The following PPP1R14C variants were observed in gnomAD, a reference collection of about 807,000 sequenced individuals.
PPP1R14C encodes protein phosphatase 1 regulatory inhibitor subunit 14C, also known as protein phosphatase 1 regulatory subunit 14C.
In PPP1R14C, 16 loss-of-function variants were observed where a neutral mutation model predicts 20.4. The observed-to-expected ratio is 0.78, with a 90% CI of 0.53 to 1.19. The LOEUF (loss-of-function observed/expected upper bound fraction) is 1.19, where lower values mean the gene tolerates loss of function less well. Among genes scored for constraint, PPP1R14C ranks in the 50% most tolerant of loss-of-function variants. The probability of loss-of-function intolerance (pLI) is 0.00; values close to 1 mark genes in which losing one functional copy is unlikely to be tolerated. For synonymous variants in PPP1R14C, 91 were observed against 91.0 expected (o/e 1.00, Z 0.00); for missense variants, 211 against 220.1 (o/e 0.96, Z 0.26).
intron 3 of PPP1R14C, among the ~76,000 whole-genome samples, chr6:150,222,373 A>G (rs897048430): frequency 7.2e-5 from 11 of 152,314 alleles, no homozygotes; most frequent in Admixed American, 6.5e-4. Flanking sequence ...CACCTCACAC[A>G]TGTACACAGC....
intron 1 of PPP1R14C, among the ~76,000 whole-genome samples, chr6:150,147,956 A>G (rs1777198238): frequency 6.6e-6 from 1 of 152,224 alleles, no homozygotes; most frequent in South Asian, 2.1e-4. Context: ...GATACAGAGA[A>G]ACAGAGAGTC....
intron 1 of PPP1R14C, among the ~76,000 whole-genome samples, chr6:150,184,714 T>G (rs1464206641): frequency 6.6e-6 from 1 of 152,222 alleles, no homozygotes; most frequent in Non-Finnish European, 1.5e-5. Flanking sequence ...TTTCTCCCCT[T>G]GATTGAAAGC....
chr6:150,151,933 A>G (rs1777252610), intron 1 of PPP1R14C, among the ~76,000 whole-genome samples: 1 of 151,974 alleles, frequency 6.6e-6, no homozygotes, highest in Non-Finnish European at 1.5e-5. Flanking sequence ...ATCCCGGCTA[A>G]AAAGGTGAAA....
chr6:150,180,204 A>AAAAC (rs1336878464), intron 1 of PPP1R14C, among the ~76,000 whole-genome samples: 2 of 152,252 alleles, frequency 1.3e-5, no homozygotes, highest in South Asian at 4.1e-4. Context: ...TCCATTTCAA[A>AAAAC]AAACAAACAA....
chr6:150,156,170 C>T (rs1250040465), intron 1 of PPP1R14C, among the ~76,000 whole-genome samples: 2 of 151,856 alleles, frequency 1.3e-5, no homozygotes, highest in East Asian at 1.9e-4. Context: ...GGAGTCCTTG[C>T]ACTCTTGGTC....
chr6:150,240,622 G>A (rs778686711), intron 3 of PPP1R14C, among the ~76,000 whole-genome samples: 30 of 152,222 alleles, frequency 2.0e-4, no homozygotes, highest in Non-Finnish European at 3.7e-4. Context: ...CCTGTGACCA[G>A]TCTGATTGTT....
intron 1 of PPP1R14C, among the ~76,000 whole-genome samples, chr6:150,171,500 A>G (rs1038638398): frequency 1.3e-5 from 2 of 152,180 alleles, no homozygotes; most frequent in African/African-American, 4.8e-5. Context: ...CATCTATAGC[A>G]TGGTAAAAGG....
intron 1 of PPP1R14C, among the ~76,000 whole-genome samples, chr6:150,162,234 T>C (rs1464496756): frequency 1.3e-5 from 2 of 152,148 alleles, no homozygotes; most frequent in Non-Finnish European, 1.5e-5. Context: ...TTTGTATTTT[T>C]AGTAGAGACG....
chr6:150,225,420 C>T (rs1778219940), intron 3 of PPP1R14C, among the ~76,000 whole-genome samples: 4 of 152,198 alleles, frequency 2.6e-5, no homozygotes, highest in Admixed American at 2.6e-4. Context: ...TTTTTCTACT[C>T]ATCCTTTGGT....
chr6:150,176,734 T>C (rs1777566726), intron 1 of PPP1R14C, among the ~76,000 whole-genome samples: 1 of 152,218 alleles, frequency 6.6e-6, no homozygotes, highest in South Asian at 2.1e-4. Context: ...GCTGTTATAA[T>C]GAGTGAGGCC....
At chr6:150,158,692 C>T (rs1022952909) in intron 1 of PPP1R14C, among the ~76,000 whole-genome samples, 1 of 150,960 alleles carries the variant, frequency 6.6e-6, no homozygotes, top group Non-Finnish European at 1.5e-5. Context: ...AGAATAACTT[C>T]AAAGTTGTTT....
intron 1 of PPP1R14C, among the ~76,000 whole-genome samples, chr6:150,144,066 CG>C (rs1260983628): frequency 6.6e-6 from 1 of 152,222 alleles, no homozygotes; most frequent in Non-Finnish European, 1.5e-5. Context: ...CAGCCAGCCC[CG>C]ACGGTGTCTC....
intron 1 of PPP1R14C, among the ~76,000 whole-genome samples, chr6:150,208,164 A>C (rs906058811): frequency 1.3e-5 from 2 of 152,132 alleles, no homozygotes; most frequent in Non-Finnish European, 1.5e-5. Flanking sequence ...TGCCCTGGGG[A>C]CCAAATTCAC....
At chr6:150,234,901 A>G (rs1778340127) in intron 3 of PPP1R14C, among the ~76,000 whole-genome samples, 2 of 151,256 alleles carry the variant, frequency 1.3e-5, no homozygotes, top group South Asian at 4.2e-4. Context: ...GACGCACACA[A>G]TAGTATCTAA....
chr6:150,173,941 C>T (rs1249869540), intron 1 of PPP1R14C, among the ~76,000 whole-genome samples: 1 of 152,078 alleles, frequency 6.6e-6, no homozygotes, highest in Non-Finnish European at 1.5e-5. Flanking sequence ...TCCTTCAAAG[C>T]CCAACTTGAA....
At chr6:150,198,293 C>CTGCTG (rs1777833472) in intron 1 of PPP1R14C, among the ~76,000 whole-genome samples, 2 of 147,732 alleles carry the variant, frequency 1.4e-5, no homozygotes, top group Admixed American at 6.7e-5. Context: ...TTGTGTGCCC[C>CTGCTG]TGGCCGCCAT....
Position 150,201,399 on chromosome 6 carries a change from C to T in PPP1R14C, c.307-13345C>T, listed in dbSNP as rs755254189. ...TTGCTTTAGGAAGTGATGGCTGACA[C>T]GAGATAACAAGAAGAGTGTCCTACA... On this transcript the variant is annotated intron_variant, in intron 1 of 3. Coordinates refer to ENST00000361131, the MANE Select transcript of PPP1R14C (RefSeq NM_030949.3). This position sits in a 1 kb window ranked among gnomAD's most constrained non-coding sequence, Gnocchi z 4.2. Among the ~76,000 whole-genome samples, 4 of 152,110 alleles carry T rather than the reference C, an allele frequency of 2.6e-5. No homozygotes were observed. In the East Asian group the frequency reaches 5.8e-4, roughly 22 times the overall value.
At chr6:150,144,278 C>T (rs1298476876) in intron 1 of PPP1R14C, among the ~76,000 whole-genome samples, 6 of 152,236 alleles carry the variant, frequency 3.9e-5, no homozygotes, top group African/African-American at 1.4e-4. Context: ...AGGCTCCCAG[C>T]TCCCCTCTCC....
At chr6:150,197,417 C>T (rs934599815) in intron 1 of PPP1R14C, among the ~76,000 whole-genome samples, 1 of 152,238 alleles carries the variant, frequency 6.6e-6, no homozygotes, top group Admixed American at 6.5e-5. Context: ...CAGAGGGCAC[C>T]TGTCTTGCAT....
Sources: gnomAD v4.1 joint callset for allele counts (sites outside exome capture counted in the v4.1 genomes callset) on GRCh38, gnomAD v4.1.1 for gene constraint, Gnocchi (gnomAD v3.1) non-coding constraint, MANE v1.5 for transcripts, NCBI Gene and HGNC (gene_info 2026-07-23, HGNC 2026-07-21) for gene names.